Variants in PCDH11X observed in about 807,000 individuals in gnomAD.
PCDH11X encodes protocadherin-11 X-linked.
A neutral mutation model predicts 53.3 loss-of-function variants in PCDH11X; 18 were observed. That is an observed-to-expected ratio of 0.34 (90% CI 0.23 to 0.50). The LOEUF is 0.50. PCDH11X is among the 20% of genes least tolerant of loss of function. The pLI is 0.98. For missense variants in PCDH11X, 570 were observed against 1,032.4 expected, an observed-to-expected ratio of 0.55 and a Z score of 6.14; for synonymous variants, 279 against 393.3, an observed-to-expected ratio of 0.71 and a Z score of 3.44.
At chrX:91,972,565 G>A (rs1172071386) in intron 6 of PCDH11X, among the ~76,000 whole-genome samples, 2 of 108,947 alleles carry the variant, frequency 1.8e-5, no homozygotes, top group African/African-American at 6.7e-5. Flanking sequence ...TTTCTTCTAG[G>A]GTTTTTATGG....
intron 10 of PCDH11X, among the ~76,000 whole-genome samples, chrX:92,498,786 C>T (rs1182007141): frequency 1.9e-5 from 2 of 107,560 alleles, no homozygotes; most frequent in African/African-American, 6.7e-5. Context: ...AAATACAACT[C>T]CACAATAATA....
intron 1 of PCDH11X, among the ~76,000 whole-genome samples, chrX:91,800,944 G>A (rs1439421879): frequency 2.8e-5 from 3 of 107,838 alleles, no homozygotes; most frequent in African/African-American, 1.0e-4. Context: ...TTTGGGAGGT[G>A]GAGTGGGGCA....
At chrX:92,460,687 G>T in intron 9 of PCDH11X, 1 of 960,805 alleles carries the variant, frequency 1.0e-6, no homozygotes, top group South Asian at 2.0e-5. Flanking sequence ...GGATCCTGCT[G>T]CACCTGGAGT....
At chrX:92,066,670 T>C (rs1407648526) in intron 6 of PCDH11X, among the ~76,000 whole-genome samples, 18 of 112,505 alleles carry the variant, frequency 1.6e-4, no homozygotes, top group Non-Finnish European at 3.2e-4. Flanking sequence ...ACTTCTGATT[T>C]TTTTGTCTTA....
Position 92,584,789 on chromosome X carries a change from CTT to C in PCDH11X, c.3368-33455_3368-33454del, listed in dbSNP as rs1171667582. Among the ~76,000 whole-genome samples the C allele has an allele frequency of 5.8e-4, 38 of 65,105 alleles. 3 individuals carry two copies. Among genetic ancestry groups the C allele is most frequent in the East Asian group, 5.2e-3 (10 of 1,935 alleles). The allele number at this position is 65,105 out of a possible 115,157, so 56.5% of individuals were successfully genotyped here. A position where few individuals can be genotyped will look rare whatever the true frequency, so the allele number is the denominator to read the frequency against. The stretch of plus-strand genomic sequence containing the variant: ...AGGCCAGCATTATTCTCTTTTTTTC[CTT>C]TTTTTTTTTTTTTTTTTTTGAGACG... On this transcript the variant is annotated intron_variant, in intron 10 of 10. Transcript: ENST00000682573.
At chrX:92,328,546 A>T (rs775533634) in intron 8 of PCDH11X, among the ~76,000 whole-genome samples, 2 of 110,613 alleles carry the variant, frequency 1.8e-5, no homozygotes, top group East Asian at 2.8e-4. Flanking sequence ...CATTGGTAAA[A>T]CTCTAGGCAA....
chrX:91,966,742 T>C (rs1180187296), intron 6 of PCDH11X, among the ~76,000 whole-genome samples: 22 of 112,067 alleles, frequency 2.0e-4, no homozygotes, highest in Non-Finnish European at 3.9e-4. Context: ...GCACGTATTT[T>C]TAAAATAAAT....
At chrX:91,978,078 C>A (rs1218497385) in intron 6 of PCDH11X, among the ~76,000 whole-genome samples, 1 of 111,626 alleles carries the variant, frequency 9.0e-6, no homozygotes. Context: ...GATCCAAAGT[C>A]TAACATGGCA....
chrX:92,548,093 A>G (rs1194061563), intron 10 of PCDH11X, among the ~76,000 whole-genome samples: 1 of 110,258 alleles, frequency 9.1e-6, no homozygotes, highest in African/African-American at 3.3e-5. Flanking sequence ...GTGCATTGTC[A>G]TCTATAAAAT....
chrX:92,445,444 G>GA (rs1355973886), intron 9 of PCDH11X, among the ~76,000 whole-genome samples: 60 of 99,485 alleles, frequency 6.0e-4, no homozygotes, highest in Admixed American at 1.6e-3. Context: ...CAACTTGCTT[G>GA]AAAAAAAAAA....
At chrX:92,135,770 T>G (rs1451692958) in intron 6 of PCDH11X, among the ~76,000 whole-genome samples, 2 of 109,625 alleles carry the variant, frequency 1.8e-5, no homozygotes, top group Non-Finnish European at 3.8e-5. Flanking sequence ...TGTGTGTGTG[T>G]GTGTGTGTGT....
At chrX:92,484,121 A>ATATATATG (rs200246822) in intron 10 of PCDH11X, among the ~76,000 whole-genome samples, 1 of 81,025 alleles carries the variant, frequency 1.2e-5, no homozygotes, top group African/African-American at 5.6e-5. Context: ...TATATATAGT[A>ATATATATG]TATATATGTA....
At chrX:92,265,936 A>G (rs1699445196) in intron 8 of PCDH11X, among the ~76,000 whole-genome samples, 2 of 112,282 alleles carry the variant, frequency 1.8e-5, no homozygotes, top group South Asian at 7.3e-4. Context: ...GTAATTTTTA[A>G]AAAGTTACTT....
At chrX:91,907,406 C>CAGAGAGAG (rs1200633473) in intron 6 of PCDH11X, among the ~76,000 whole-genome samples, 43 of 62,362 alleles carry the variant, frequency 6.9e-4, no homozygotes, top group African/African-American at 2.8e-3. Flanking sequence ...CACACACACA[C>CAGAGAGAG]ACACACAGAG....
chrX:91,934,213 A>G (rs986570504), intron 6 of PCDH11X, among the ~76,000 whole-genome samples: 1 of 109,676 alleles, frequency 9.1e-6, no homozygotes, highest in African/African-American at 3.3e-5. Flanking sequence ...TAACCATGGG[A>G]ATGTTATTGT....
At chrX:92,102,572 T>A (rs1277160819) in intron 6 of PCDH11X, among the ~76,000 whole-genome samples, 1 of 111,824 alleles carries the variant, frequency 8.9e-6, no homozygotes, top group African/African-American at 3.3e-5. Flanking sequence ...AGGATGAAAT[T>A]TGGGCTTGAC....
chrX:92,111,959 T>G (rs1177332566), intron 6 of PCDH11X, among the ~76,000 whole-genome samples: 2 of 108,910 alleles, frequency 1.8e-5, no homozygotes, highest in African/African-American at 6.7e-5. Context: ...GGGTTTCACC[T>G]TGTTAGCCAG....
chrX:92,252,613 G>A (rs1456175116), intron 7 of PCDH11X, among the ~76,000 whole-genome samples: 2 of 110,884 alleles, frequency 1.8e-5, no homozygotes, highest in Admixed American at 1.9e-4. Flanking sequence ...ACCTTTATTG[G>A]ACATCTCAAG....
chrX:92,058,028 G>A (rs1290121030), intron 6 of PCDH11X, among the ~76,000 whole-genome samples: 1 of 98,688 alleles, frequency 1.0e-5, no homozygotes, highest in African/African-American at 4.2e-5. Flanking sequence ...CAAGTCTTGG[G>A]ACAAAACCTC....
Sources: gnomAD v4.1 joint callset for allele counts (sites outside exome capture counted in the v4.1 genomes callset) on GRCh38, gnomAD v4.1.1 for gene constraint, MANE v1.5 for transcripts, NCBI Gene and HGNC (gene_info 2026-07-23, HGNC 2026-07-21) for gene names.